FAM135A: variants seen among roughly 807,000 people sequenced by gnomAD.
The protein encoded by FAM135A is protein FAM135A.
Under a neutral mutation model 146.8 loss-of-function variants are expected in FAM135A, and 79 were observed. The ratio of observed to expected loss-of-function variants is 0.54; its 90% CI spans 0.45 to 0.65. FAM135A has a LOEUF of 0.65. FAM135A is among the 30% of genes least tolerant of loss of function. The pLI, the probability that FAM135A is intolerant of heterozygous loss-of-function variation, is 0.00. For missense variants in FAM135A, 1,623 were observed against 1,758.2 expected (o/e 0.92, Z 1.38); for synonymous variants, 562 against 603.6 (o/e 0.93, Z 1.01).
chr6:70,496,408 T>A (rs1787279033), intron 11 of FAM135A, among the ~76,000 whole-genome samples: 2 of 152,202 alleles, frequency 1.3e-5, no homozygotes, highest in Non-Finnish European at 2.9e-5. Flanking sequence ...TATTAGCCCT[T>A]TGTCAGATGG....
At chr6:70,518,906 A>G (rs759766682) in intron 12 of FAM135A, among the ~76,000 whole-genome samples, 2 of 152,218 alleles carry the variant, frequency 1.3e-5, no homozygotes, top group African/African-American at 2.4e-5. Context: ...ATGTGGACTA[A>G]CACAACGATC....
At chr6:70,505,801 C>T (rs1789636964) in intron 12 of FAM135A, among the ~76,000 whole-genome samples, 1 of 151,720 alleles carries the variant, frequency 6.6e-6, no homozygotes, top group Non-Finnish European at 1.5e-5. Context: ...TGTTAATTTT[C>T]TCCTTGTGTG....
intron 10 of FAM135A, among the ~76,000 whole-genome samples, chr6:70,483,031 T>C (rs1164473786): frequency 6.6e-6 from 1 of 152,170 alleles, no homozygotes; most frequent in African/African-American, 2.4e-5. Flanking sequence ...TTAACAATAT[T>C]AGTCCACTCC....
chr6:70,542,030 G>A (rs1798019439), intron 20 of FAM135A, among the ~76,000 whole-genome samples: 1 of 152,074 alleles, frequency 6.6e-6, no homozygotes, highest in Non-Finnish European at 1.5e-5. Flanking sequence ...CCTGCCACAT[G>A]TATACCCCCT....
intron 12 of FAM135A, among the ~76,000 whole-genome samples, chr6:70,514,625 A>C (rs997274203): frequency 6.6e-6 from 1 of 152,220 alleles, no homozygotes. Context: ...AGCCAGTTAC[A>C]GAGAATCCCA....
chr6:70,478,343 A>G (rs1457344360), intron 8 of FAM135A, among the ~76,000 whole-genome samples: 1 of 152,206 alleles, frequency 6.6e-6, no homozygotes, highest in Non-Finnish European at 1.5e-5. Flanking sequence ...GGATGCTTCA[A>G]ATCAGTAAAT....
chr6:70,487,418 A>G (rs1200226485), intron 10 of FAM135A, among the ~76,000 whole-genome samples: 2 of 152,144 alleles, frequency 1.3e-5, no homozygotes, highest in Non-Finnish European at 2.9e-5. Flanking sequence ...TTAAAAAATT[A>G]TGAAAAGCTG....
intron 3 of FAM135A, 88 bp downstream of exon 3, chr6:70,426,620 G>C (rs1252038973): frequency 6.6e-6 from 1 of 152,224 alleles, no homozygotes; most frequent in Non-Finnish European, 1.5e-5. Flanking sequence ...GAATTGGGAA[G>C]GGTCTGAGAT....
chr6:70,427,268 A>G (rs1770384199), intron 3 of FAM135A, among the ~76,000 whole-genome samples: 1 of 152,156 alleles, frequency 6.6e-6, no homozygotes, highest in Non-Finnish European at 1.5e-5. Context: ...GCGGTGGTTC[A>G]TGCCTGTAAT....
At chr6:70,529,996 G>A (rs1369281335) in intron 16 of FAM135A, among the ~76,000 whole-genome samples, 2 of 152,110 alleles carry the variant, frequency 1.3e-5, no homozygotes, top group African/African-American at 4.8e-5. Context: ...CCTGGGAGGC[G>A]GAGCTTGCGG....
intron 2 of FAM135A, among the ~76,000 whole-genome samples, chr6:70,423,376 T>G (rs1769302649): frequency 6.6e-6 from 1 of 151,904 alleles, no homozygotes; most frequent in Non-Finnish European, 1.5e-5. Flanking sequence ...GGGTATAGAG[T>G]AGGTATAGCT....
Position 70,538,359 on chromosome 6 carries a change from GACCCTCGCCAAACTTTTTTAT to G in FAM135A, c.4188_4208del (p.Pro1397_Tyr1403del). ...GCAGCTGACATGTCGAGATCACTCA[GACCCTCGCCAAACTTTTTTAT>G]ATAAGCTTAGTAACAAAGCAGGTAA... On this transcript the variant is annotated inframe_deletion, in exon 20 of 22. Coordinates refer to ENST00000418814, the MANE Select transcript of FAM135A (RefSeq NM_001162529.3). 6.6e-7 allele frequency: 1 copy of G among 1,518,092 alleles called. No individual in the cohort carries two copies. The highest frequency in any genetic ancestry group is 8.9e-7 in the Non-Finnish European group (1 of 1,126,498). 94.0% of individuals were successfully genotyped at this position (1,518,092 alleles called of 1,614,324 possible).
At chr6:70,465,688 G>A (rs932174360) in intron 5 of FAM135A, among the ~76,000 whole-genome samples, 2 of 152,012 alleles carry the variant, frequency 1.3e-5, no homozygotes, top group African/African-American at 4.8e-5. Flanking sequence ...GTGGCCAGTC[G>A]TTCTATTTTT....
At chr6:70,425,736 C>G (rs928759703) in intron 2 of FAM135A, among the ~76,000 whole-genome samples, 1 of 152,184 alleles carries the variant, frequency 6.6e-6, no homozygotes, top group Non-Finnish European at 1.5e-5. Context: ...TACATATATG[C>G]ATACATGCAC....
chr6:70,557,031 G>A (rs1292134355), intron 21 of FAM135A, 168 bp downstream of exon 21: 9 of 615,150 alleles, frequency 1.5e-5, no homozygotes, highest in South Asian at 7.8e-5. Flanking sequence ...CACCTGCCAC[G>A]TGAACTGCCT....
intron 12 of FAM135A, among the ~76,000 whole-genome samples, chr6:70,512,251 A>G (rs1381733267): frequency 6.6e-6 from 1 of 151,872 alleles, no homozygotes; most frequent in Non-Finnish European, 1.5e-5. Flanking sequence ...GTTGAGTAGT[A>G]TTTTATGGTA....
chr6:70,429,894 T>G (rs1771122770), intron 4 of FAM135A, among the ~76,000 whole-genome samples: 1 of 152,022 alleles, frequency 6.6e-6, no homozygotes, highest in Non-Finnish European at 1.5e-5. Context: ...GAGCAAGAGA[T>G]TCTCTATTTT....
At chr6:70,552,437 G>A (rs555865753) in intron 20 of FAM135A, among the ~76,000 whole-genome samples, 1 of 150,902 alleles carries the variant, frequency 6.6e-6, no homozygotes, top group Admixed American at 6.6e-5. Flanking sequence ...GGCAAGAGGA[G>A]GTAGTAAAGG....
At chr6:70,480,875 T>C (rs1783568125) in intron 8 of FAM135A, 26 bp from the exon 9 acceptor site, 4 of 1,594,394 alleles carry the variant, frequency 2.5e-6, no homozygotes, top group South Asian at 1.1e-5. Flanking sequence ...CGTATGACAA[T>C]AATAATGTAA....
Sources: gnomAD v4.1 joint callset for allele counts (sites outside exome capture counted in the v4.1 genomes callset) on GRCh38, gnomAD v4.1.1 for gene constraint, MANE v1.5 for transcripts, NCBI Gene and HGNC (gene_info 2026-07-23, HGNC 2026-07-21) for gene names.